ARMC8: variants seen among roughly 807,000 people sequenced by gnomAD.
The protein encoded by ARMC8 is armadillo repeat containing 8.
Under a neutral mutation model 99.3 loss-of-function variants are expected in ARMC8, and 20 were observed. The observed-to-expected ratio is 0.20, with a 90% CI of 0.14 to 0.29. The LOEUF is 0.29. ARMC8 is among the 10% of genes least tolerant of loss of function. The pLI is 1.00. For synonymous variants in ARMC8, 263 were observed against 278.3 expected, an observed-to-expected ratio of 0.95 and a Z score of 0.55; for missense variants, 569 against 809.5, an observed-to-expected ratio of 0.70 and a Z score of 3.60.
intron 1 of ARMC8, among the ~76,000 whole-genome samples, chr3:138,206,604 C>T (rs1341993375): frequency 2.6e-5 from 4 of 152,178 alleles, no homozygotes; most frequent in Admixed American, 6.5e-5. Context: ...CCTTTTTAGA[C>T]GTTCTTTCTC....
intron 1 of ARMC8, among the ~76,000 whole-genome samples, chr3:138,196,006 G>C (rs2043711678): frequency 1.3e-5 from 2 of 152,126 alleles, no homozygotes; most frequent in Non-Finnish European, 2.9e-5. Flanking sequence ...AAAAAGTTGT[G>C]GTCCAATGGG....
At chr3:138,206,179 A>G (rs2044362732) in intron 1 of ARMC8, among the ~76,000 whole-genome samples, 1 of 152,246 alleles carries the variant, frequency 6.6e-6, no homozygotes, top group Non-Finnish European at 1.5e-5. Context: ...GGTGTCATAA[A>G]GTTTATAGTT....
chr3:138,200,056 A>G (rs1360317891), intron 1 of ARMC8, among the ~76,000 whole-genome samples: 2 of 152,206 alleles, frequency 1.3e-5, no homozygotes, highest in African/African-American at 2.4e-5. Flanking sequence ...TCTGCTTATA[A>G]TAGATATTTT....
At chr3:138,258,274 G>A (rs1026783736) in intron 12 of ARMC8, among the ~76,000 whole-genome samples, 4 of 152,166 alleles carry the variant, frequency 2.6e-5, no homozygotes, top group Non-Finnish European at 4.4e-5. Context: ...CACAGTTGAA[G>A]CTAAAGTCCA....
chr3:138,286,988 A>ACTGAT (rs1445607303), intron 19 of ARMC8, among the ~76,000 whole-genome samples: 1 of 152,030 alleles, frequency 6.6e-6, no homozygotes, highest in Non-Finnish European at 1.5e-5. Flanking sequence ...TTCTTCCAAA[A>ACTGAT]CTGATCTTGA....
chr3:138,225,924 G>A (rs2108095440), intron 5 of ARMC8, among the ~76,000 whole-genome samples: 1 of 152,294 alleles, frequency 6.6e-6, no homozygotes, highest in East Asian at 1.9e-4. Flanking sequence ...GATACATAAG[G>A]TGGTCAGTAG....
rs572583061 is a variant in ARMC8, at chr3:138,280,307, C to CTTATTA, written c.1726-4110_1726-4105dup. ...GTTTTTGGTTTCATTGATTTTCCCA[C>CTTATTA]TTATTATTATTATTATTATATATAT... On this transcript the variant is annotated intron_variant, in intron 18 of 21. Coordinates refer to ENST00000469044, the MANE Select transcript of ARMC8 (RefSeq NM_001363941.2). Among the ~76,000 whole-genome samples the CTTATTA allele has an allele frequency of 3.5e-4, 53 of 150,436 alleles. 1 individual carries two copies. In the South Asian group the frequency reaches 0.011, roughly 30 times the overall value.
At chr3:138,205,992 C>T (rs1424272256) in intron 1 of ARMC8, among the ~76,000 whole-genome samples, 1 of 152,128 alleles carries the variant, frequency 6.6e-6, no homozygotes, top group Non-Finnish European at 1.5e-5. Flanking sequence ...AAAAAGGAAA[C>T]AAGTGAAGTT....
chr3:138,194,705 C>G (rs893659523), intron 1 of ARMC8, among the ~76,000 whole-genome samples: 1 of 150,520 alleles, frequency 6.6e-6, no homozygotes, highest in Non-Finnish European at 1.5e-5. Context: ...TCTGGATATT[C>G]CTTCATTTTG....
chr3:138,296,057 C>A lies in ARMC8; in HGVS notation c.*165C>A. 1 of 570,134 alleles carries A rather than the reference C, an allele frequency of 1.8e-6. No homozygotes were observed. The highest frequency in any genetic ancestry group is 2.9e-6 in the Non-Finnish European group (1 of 347,098). 35.3% of individuals were successfully genotyped at this position (570,134 alleles called of 1,614,324 possible). ...TTAGATCTCAAATTCATCTTGAGAA[C>A]ATTTTTTTGAGGTAGTAATTTCCTC... On this transcript the variant is annotated 3_prime_UTR_variant, in exon 22 of 22. Transcript: ENST00000469044.
intron 15 of ARMC8, among the ~76,000 whole-genome samples, chr3:138,269,031 T>C (rs2108289508): frequency 6.6e-6 from 1 of 152,274 alleles, no homozygotes; most frequent in Non-Finnish European, 1.5e-5. Flanking sequence ...CATCCTACTT[T>C]CACATGGTTC....
intron 18 of ARMC8, among the ~76,000 whole-genome samples, chr3:138,281,217 G>GGTGT (rs149949088): frequency 1.3e-5 from 2 of 149,778 alleles, no homozygotes; most frequent in East Asian, 2.0e-4. Context: ...TAATGGTGTG[G>GGTGT]GTGTGTGTGT....
intron 17 of ARMC8, 60 bp downstream of exon 17, chr3:138,273,176 T>C: frequency 6.7e-7 from 1 of 1,501,918 alleles, no homozygotes; most frequent in Non-Finnish European, 9.0e-7. Flanking sequence ...TGCAAGACAT[T>C]GCTCTCTCTC....
intron 1 of ARMC8, among the ~76,000 whole-genome samples, chr3:138,198,351 T>A (rs1051370968): frequency 1.3e-5 from 2 of 152,098 alleles, no homozygotes; most frequent in African/African-American, 4.8e-5. Context: ...AATCTTTAGT[T>A]CATTCTTGTC....
intron 6 of ARMC8, among the ~76,000 whole-genome samples, chr3:138,230,578 A>T (rs1288724398): frequency 6.6e-6 from 1 of 152,134 alleles, no homozygotes; most frequent in African/African-American, 2.4e-5. Context: ...GATTGAGCAC[A>T]GGTGGTTGAG....
chr3:138,202,242 C>G (rs944745298), intron 1 of ARMC8, among the ~76,000 whole-genome samples: 1 of 152,140 alleles, frequency 6.6e-6, no homozygotes, highest in Admixed American at 6.5e-5. Flanking sequence ...TTCATTTCGT[C>G]TGGGGTCAGA....
At chr3:138,189,937 ACCT>A (rs1419112587) in intron 1 of ARMC8, among the ~76,000 whole-genome samples, 1 of 152,102 alleles carries the variant, frequency 6.6e-6, no homozygotes, top group African/African-American at 2.4e-5. Flanking sequence ...TAACTGTTAA[ACCT>A]CCTGAATAAT....
In ARMC8 at chr3:138,273,165, T is replaced by C. The variant is rs762607118; in HGVS notation, c.1629+49T>C. On this transcript the variant is annotated intron_variant, in intron 17 of 21. Transcript: ENST00000469044. Reference sequence around the variant, plus strand: ...CAAATTAGCTAGCCCTGCATATGCATTGCAAGACATTGCTCTCTCTCTGTG... The same window carrying C: ...CAAATTAGCTAGCCCTGCATATGCACTGCAAGACATTGCTCTCTCTCTGTG... The C allele has an allele frequency of 3.2e-5, 49 of 1,526,326 alleles. 1 individual carries two copies. The highest frequency in any genetic ancestry group is 2.5e-5 in the South Asian group (2 of 80,974). The allele number at this position is 1,526,326 out of a possible 1,614,324, so 94.5% of individuals were successfully genotyped here.
intron 2 of ARMC8, among the ~76,000 whole-genome samples, chr3:138,220,635 A>G (rs373041020): frequency 6.6e-6 from 1 of 152,086 alleles, no homozygotes; most frequent in Non-Finnish European, 1.5e-5. Context: ...ATGCCAGTAA[A>G]TATGATTGGT....
Sources: allele counts gnomAD v4.1 joint callset (sites outside exome capture counted in the v4.1 genomes callset), GRCh38; gene constraint gnomAD v4.1.1; transcripts MANE v1.5; gene names NCBI Gene and HGNC (gene_info 2026-07-23, HGNC 2026-07-21).